NTN4: variants seen among roughly 807,000 people sequenced by gnomAD.
The protein encoded by NTN4 is netrin-4.
A neutral mutation model predicts 73.6 loss-of-function variants in NTN4; 32 were observed. That is an observed-to-expected ratio of 0.44 (90% CI 0.33 to 0.58). The LOEUF is 0.58. NTN4 is among the 20% of genes least tolerant of loss of function. NTN4 has a pLI of 0.04. For missense variants in NTN4, 654 were observed against 798.3 expected (o/e 0.82, Z 2.18); for synonymous variants, 258 against 287.5 (o/e 0.90, Z 1.04).
chr12:95,748,510 C>CTCTGT (rs1360869107), intron 2 of NTN4, among the ~76,000 whole-genome samples: 1 of 144,156 alleles, frequency 6.9e-6, no homozygotes, highest in African/African-American at 2.6e-5. Flanking sequence ...TGGAGTCTCG[C>CTCTGT]TCTGTTGTCC....
intron 2 of NTN4, among the ~76,000 whole-genome samples, chr12:95,749,405 G>A (rs1241323392): frequency 6.6e-6 from 1 of 152,170 alleles, no homozygotes; most frequent in Non-Finnish European, 1.5e-5. Context: ...ACCAGCCCAA[G>A]GAACATCTCA....
rs984088766 is a variant in NTN4, at chr12:95,787,050, C to T, written c.474G>A (p.Lys158=). ...TAGCGGAGCAGTTAGTCGCAAAGTA[C>T]TTATAAGGCTTCCATGTTTTCCCAA... is the stretch of plus-strand genomic sequence containing the variant. ...QDFGKTWKPY[K]YFATNCSATF... Residue 158 remains lysine (K), a synonymous_variant, in exon 2 of 10, where the codon AAG becomes AAA. Transcript: ENST00000343702. The T allele has an allele frequency of 1.9e-6, 3 of 1,614,100 alleles. No homozygotes were observed. The highest frequency in any genetic ancestry group is 2.5e-6 in the Non-Finnish European group (3 of 1,180,048).
At chr12:95,761,500 T>C (rs930731343) in intron 2 of NTN4, among the ~76,000 whole-genome samples, 23 of 151,838 alleles carry the variant, frequency 1.5e-4, no homozygotes, top group African/African-American at 5.6e-4. Context: ...CCAGCTAATT[T>C]TTTTGTATTT....
chr12:95,689,861 T>G (rs192708445), intron 5 of NTN4, among the ~76,000 whole-genome samples: 41 of 152,330 alleles, frequency 2.7e-4, no homozygotes, highest in African/African-American at 1.7e-4. Flanking sequence ...ACATTCTACT[T>G]TGCATTAGGC....
chr12:95,743,195 G>C (rs2078838571), intron 2 of NTN4, among the ~76,000 whole-genome samples: 1 of 152,134 alleles, frequency 6.6e-6, no homozygotes, highest in South Asian at 2.1e-4. Context: ...AACTGCATTT[G>C]TTCTTTAACA....
At chr12:95,762,484 G>T (rs2078995419) in intron 2 of NTN4, among the ~76,000 whole-genome samples, 1 of 152,238 alleles carries the variant, frequency 6.6e-6, no homozygotes, top group African/African-American at 2.4e-5. Context: ...TCGGTCTGAA[G>T]TATGAGGATT....
chr12:95,719,083 ATTGT>A (rs1279010024), intron 3 of NTN4, among the ~76,000 whole-genome samples: 1 of 152,164 alleles, frequency 6.6e-6, no homozygotes, highest in Non-Finnish European at 1.5e-5. Context: ...AGGAACAACT[ATTGT>A]TTGAGTCTCT....
intron 2 of NTN4, among the ~76,000 whole-genome samples, chr12:95,743,736 A>G (rs2078842474): frequency 6.6e-6 from 1 of 152,326 alleles, no homozygotes; most frequent in African/African-American, 2.4e-5. Flanking sequence ...ATTTATCAAT[A>G]CTTGTTTTAT....
chr12:95,675,348 G>A (rs949399948), intron 7 of NTN4, among the ~76,000 whole-genome samples: 4 of 152,198 alleles, frequency 2.6e-5, no homozygotes, highest in African/African-American at 9.6e-5. Context: ...TGTTCTCTAT[G>A]AGAAGGTTTT....
chr12:95,779,366 G>A (rs1484775757), intron 2 of NTN4, among the ~76,000 whole-genome samples: 7 of 152,170 alleles, frequency 4.6e-5, no homozygotes, highest in African/African-American at 1.7e-4. Context: ...AAGTCAAATT[G>A]TCCCTGTTTG....
At chr12:95,721,604 C>T (rs1455115297) in intron 3 of NTN4, among the ~76,000 whole-genome samples, 1 of 152,146 alleles carries the variant, frequency 6.6e-6, no homozygotes, top group Non-Finnish European at 1.5e-5. Flanking sequence ...TTGTGGATAG[C>T]ACCTCCTTTA....
chr12:95,720,316 A>G (rs2078637989), intron 3 of NTN4, among the ~76,000 whole-genome samples: 1 of 152,190 alleles, frequency 6.6e-6, no homozygotes, highest in Non-Finnish European at 1.5e-5. Context: ...CTACTTCACT[A>G]ATTTGCCAAG....
intron 5 of NTN4, among the ~76,000 whole-genome samples, chr12:95,689,403 T>G (rs576029440): frequency 6.6e-6 from 1 of 152,322 alleles, no homozygotes; most frequent in Non-Finnish European, 1.5e-5. Flanking sequence ...ATTAGGACAA[T>G]TTCTAGACAC....
At chr12:95,710,302 G>A (rs2078554599) in intron 5 of NTN4, 139 bp downstream of exon 5, 2 of 616,130 alleles carry the variant, frequency 3.2e-6, no homozygotes, top group African/African-American at 3.7e-5. Flanking sequence ...TCTTATCAAT[G>A]AAGAAATTAA....
intron 5 of NTN4, among the ~76,000 whole-genome samples, chr12:95,686,451 T>A (rs1273914282): frequency 1.3e-5 from 2 of 151,178 alleles, no homozygotes; most frequent in Admixed American, 1.3e-4. Context: ...TGAATAGGAG[T>A]TTGCAAGTTG....
At chr12:95,751,524 G>C (rs921702827) in intron 2 of NTN4, among the ~76,000 whole-genome samples, 1 of 152,080 alleles carries the variant, frequency 6.6e-6, no homozygotes, top group Non-Finnish European at 1.5e-5. Context: ...CATCCCATCT[G>C]TGTGGGACCC....
At chr12:95,690,749 A>G (rs1424899234) in intron 5 of NTN4, among the ~76,000 whole-genome samples, 2 of 152,130 alleles carry the variant, frequency 1.3e-5, no homozygotes, top group Admixed American at 6.6e-5. Flanking sequence ...TATAGTTACT[A>G]TATCACTCAG....
At chr12:95,770,106 C>T (rs1023891134) in intron 2 of NTN4, among the ~76,000 whole-genome samples, 3 of 152,212 alleles carry the variant, frequency 2.0e-5, no homozygotes, top group South Asian at 4.1e-4. Flanking sequence ...TTGTCCACAA[C>T]GACTCAGATA....
At chr12:95,760,308 T>C (rs1050893447) in intron 2 of NTN4, among the ~76,000 whole-genome samples, 1 of 152,216 alleles carries the variant, frequency 6.6e-6, no homozygotes, top group Non-Finnish European at 1.5e-5. Flanking sequence ...ATACTAAGAA[T>C]GGTTCAACTA....
Sources: gnomAD v4.1 joint callset for allele counts (sites outside exome capture counted in the v4.1 genomes callset) on GRCh38, gnomAD v4.1.1 for gene constraint, MANE v1.5 for transcripts, NCBI Gene and HGNC (gene_info 2026-07-23, HGNC 2026-07-21) for gene names.